Variants in SBK1 observed in about 807,000 individuals in gnomAD.
SBK1 encodes the protein serine/threonine-protein kinase SBK1.
In SBK1, 11 loss-of-function variants were observed where a neutral mutation model predicts 24.4. The ratio of observed to expected loss-of-function variants is 0.45; its 90% confidence interval spans 0.28 to 0.75. The LOEUF (loss-of-function observed/expected upper bound fraction) is 0.75. SBK1 is among the 30% of genes least tolerant of loss of function. The pLI, the probability that SBK1 is intolerant of heterozygous loss-of-function variation, is 0.12. For missense variants in SBK1, 467 were observed against 620.5 expected (o/e 0.75, Z 2.63); for synonymous variants, 308 against 284.4 (o/e 1.08, Z -0.83).
chr16:28,315,233 G>C (rs537421362), intron 1 of SBK1, among the ~76,000 whole-genome samples: 1 of 152,000 alleles, frequency 6.6e-6, no homozygotes, highest in South Asian at 2.1e-4. Flanking sequence ...ACCGGGGTTG[G>C]GGGGATGGGG....
Position 28,319,450 on chromosome 16 carries a change from G to A in SBK1, c.429+253G>A, listed in dbSNP as rs1342298130. On this transcript the variant is annotated intron_variant, in intron 3 of 3. Coordinates refer to ENST00000341901, the MANE Select transcript of SBK1 (RefSeq NM_001024401.3). The surrounding 1 kb of genome is among the most constrained non-coding windows in gnomAD (Gnocchi z 4.0). ...CCTAAAAGGAGACAGTGAGAATGATGGGATGAAGTCACTGGGCCCTCCCCT... is the reference window on the plus strand; with the variant it reads ...CCTAAAAGGAGACAGTGAGAATGATAGGATGAAGTCACTGGGCCCTCCCCT... Among the ~76,000 whole-genome samples the A allele has an allele frequency of 1.3e-5, 2 of 152,122 alleles. No individual in the cohort carries two copies. The highest frequency in any genetic ancestry group is 4.8e-5 in the African/African-American group (2 of 41,420).
intron 1 of SBK1, among the ~76,000 whole-genome samples, chr16:28,306,848 A>G (rs2044719783): frequency 6.6e-6 from 1 of 152,230 alleles, no homozygotes; most frequent in East Asian, 1.9e-4. Flanking sequence ...GCTTTCCTGA[A>G]TGTGACCCTG....
rs188167496 is a variant in SBK1 at position 28,295,022 on chromosome 16, T to G, written c.-8+1722T>G. 1.7e-4 allele frequency among the ~76,000 whole-genome samples: 26 copies of G among 152,234 alleles called. No individual in the cohort carries two copies. In the East Asian group the frequency reaches 4.8e-3, roughly 28 times the overall value. On this transcript the variant is annotated intron_variant, in intron 1 of 3. Transcript: ENST00000341901. The stretch of plus-strand genomic sequence containing the variant: ...AAATTGGGCAGGACAAGCATCCAGG[T>G]TTGCTCTACCCATTGCTGAAGGAGT...
Position 28,317,648 on chromosome 16 carries a change from G to T in SBK1, c.226+31G>T. ...CAAGTGCAGGGTGGCAGGGCTGAGA[G>T]GTTGGGGTGGGGCAGGGCTGGGAGG... is the stretch of plus-strand genomic sequence containing the variant. On this transcript the variant is annotated intron_variant, in intron 2 of 3. Coordinates refer to ENST00000341901, the MANE Select transcript of SBK1 (RefSeq NM_001024401.3). The surrounding 1 kb of genome is among the most constrained non-coding windows in gnomAD (Gnocchi z 4.2). 1 of 1,484,238 alleles carries T rather than the reference G, an allele frequency of 6.7e-7. No homozygotes were observed. The allele number at this position is 1,484,238 out of a possible 1,614,324, so 91.9% of individuals were successfully genotyped here. A position where few individuals can be genotyped will look rare whatever the true frequency, so the allele number is the denominator to read the frequency against.
At chr16:28,269,923 A>C (rs2044454026) in intron 1 of SBK1, among the ~76,000 whole-genome samples, 1 of 152,118 alleles carries the variant, frequency 6.6e-6, no homozygotes, top group Non-Finnish European at 1.5e-5. Flanking sequence ...ACTCATGCCA[A>C]AGCCAATCGC....
chr16:28,284,251 C>G (rs1300372878), intron 1 of SBK1, among the ~76,000 whole-genome samples: 1 of 152,226 alleles, frequency 6.6e-6, no homozygotes, highest in African/African-American at 2.4e-5. Context: ...TTAAAGCCAG[C>G]CCCCTAGGGA....
intron 1 of SBK1, among the ~76,000 whole-genome samples, chr16:28,272,120 G>A (rs911332924): frequency 6.6e-6 from 1 of 152,076 alleles, no homozygotes; most frequent in African/African-American, 2.4e-5. Context: ...CTCTGTTACT[G>A]AGGCTGGAGT....
Position 28,319,053 on chromosome 16 carries a change from A to G in SBK1, c.285A>G (p.Leu95=). The change falls in exon 3 of 4, where the codon CTA becomes CTG. Residue 95 remains leucine (L), a synonymous_variant. Coordinates refer to ENST00000341901, the MANE Select transcript of SBK1 (RefSeq NM_001024401.3). The surrounding 1 kb of genome is among the most constrained non-coding windows in gnomAD (Gnocchi z 4.0). The part of the protein sequence containing the change: ...NKSKTKLKNF[L]REVSITNSLS... ...GCAAAACCAAGCTGAAGAACTTCCT[A>G]CGGGAGGTGAGCATCACCAACAGCC... The G allele has an allele frequency of 3.7e-6, 6 of 1,614,158 alleles. No individual in the cohort carries two copies. The highest frequency in any genetic ancestry group is 5.1e-6 in the Non-Finnish European group (6 of 1,180,002).
At chr16:28,316,510 A>G (rs1733642300) in intron 1 of SBK1, among the ~76,000 whole-genome samples, 1 of 151,982 alleles carries the variant, frequency 6.6e-6, no homozygotes, top group African/African-American at 2.4e-5. Flanking sequence ...CATGCTGGTA[A>G]TCCTAGTGCT....
rs1181840421 is a variant in SBK1, at chr16:28,320,414, G to A, written c.768G>A (p.Ala256=). 6.3e-7 allele frequency: 1 copy of A among 1,589,600 alleles called. No individual in the cohort carries two copies. The highest frequency in any genetic ancestry group is 8.5e-7 in the Non-Finnish European group (1 of 1,174,500). Residue 256 remains alanine, a synonymous_variant, in exon 4 of 4, where the codon GCG becomes GCA. Coordinates refer to ENST00000341901, the MANE Select transcript of SBK1 (RefSeq NM_001024401.3). The surrounding 1 kb of genome is among the most constrained non-coding windows in gnomAD (Gnocchi z 8.5). ...CCGGCAACTTCCCGTGGGAGGCGGC[G>A]TCGGGCGCCGACGCCTTCTTCGAGG... ...VLTGNFPWEA[A]SGADAFFEEF...
chr16:28,320,060 C>T lies in SBK1; in HGVS notation c.430-16C>T, dbSNP rs1278395314. 23 of 1,469,786 alleles carry T rather than the reference C, an allele frequency of 1.6e-5. No homozygotes were observed. In the East Asian group the frequency reaches 5.7e-4, roughly 36 times the overall value. 91.0% of individuals were successfully genotyped at this position (1,469,786 alleles called of 1,614,324 possible). On this transcript the variant is annotated splice_polypyrimidine_tract_variant and intron_variant, in intron 3 of 3. Coordinates refer to ENST00000341901, the MANE Select transcript of SBK1 (RefSeq NM_001024401.3). This position sits in a 1 kb window ranked among gnomAD's most constrained non-coding sequence, Gnocchi z 8.5. ...GGAGAGCTGGAAACAGCGCGGCTTCCCCCGGCCGCCCGCAGGTGGGGCTCC... is the reference window on the plus strand; with the variant it reads ...GGAGAGCTGGAAACAGCGCGGCTTCTCCCGGCCGCCCGCAGGTGGGGCTCC...
intron 2 of SBK1, 100 bp from the exon 3 acceptor site, chr16:28,318,895 G>A: frequency 1.2e-6 from 1 of 846,832 alleles, no homozygotes; most frequent in East Asian, 2.4e-5. Context: ...ATGCCTGCTG[G>A]GGACCCTGTT....
upstream of SBK1, among the ~76,000 whole-genome samples, chr16:28,289,445 G>A (rs1434864072): frequency 3.3e-5 from 5 of 152,168 alleles, no homozygotes; most frequent in East Asian, 1.9e-4. Flanking sequence ...AGAGGAAACC[G>A]AGTAGACAAA....
intron 1 of SBK1, among the ~76,000 whole-genome samples, chr16:28,314,257 AG>A (rs1288311438): frequency 1.3e-5 from 2 of 151,394 alleles, no homozygotes; most frequent in African/African-American, 4.9e-5. Context: ...CCTGGGTTCA[AG>A]CGATCCTTCT....
rs2044643713 is a variant in SBK1 at position 28,296,752 on chromosome 16, A to C, written c.-8+3452A>C. Among the ~76,000 whole-genome samples, 3 of 152,142 alleles carry C rather than the reference A, an allele frequency of 2.0e-5. No individual in the cohort carries two copies. The South Asian group carries it at 6.2e-4, about 32-fold the overall frequency. ...TACCCCTGAACTAGTGACATCCAGC[A>C]ACCAAAAACCTGTTTTCTCTGTCCC... On this transcript the variant is annotated intron_variant, in intron 1 of 3. Transcript: ENST00000341901.
At chr16:28,283,734 A>T (rs2044547500) in intron 1 of SBK1, among the ~76,000 whole-genome samples, 1 of 152,168 alleles carries the variant, frequency 6.6e-6, no homozygotes, top group Non-Finnish European at 1.5e-5. Flanking sequence ...CAGGTAGAGG[A>T]CAGAGGCTGT....
At position 28,320,842 on chromosome 16, in the gene SBK1, C is replaced by A; in HGVS notation, c.1196C>A (p.Pro399His). ...VPEPGLAPQG[P>H]PGRTDGRADK... The stretch of plus-strand genomic sequence containing the variant: ...GAGCCCGGCCTAGCTCCCCAGGGGC[C>A]CCCCGGCCGGACCGACGGCCGCGCG... Residue 399 changes from proline to histidine, a missense_variant, in exon 4 of 4, where the codon CCC becomes CAC. Around this residue, in one of 4 missense-constraint regions of SBK1, gnomAD observed 166 missense variants for 146.8 expected, o/e 1.13. Coordinates refer to ENST00000341901, the MANE Select transcript of SBK1 (RefSeq NM_001024401.3). This position sits in a 1 kb window ranked among gnomAD's most constrained non-coding sequence, Gnocchi z 8.5. The A allele has an allele frequency of 6.8e-7, 1 of 1,470,510 alleles. No individual in the cohort carries two copies. Among genetic ancestry groups the A allele is most frequent in the Non-Finnish European group, 9.0e-7 (1 of 1,112,010 alleles). The allele number at this position is 1,470,510 out of a possible 1,614,324, so 91.1% of individuals were successfully genotyped here. A position where few individuals can be genotyped will look rare whatever the true frequency, so the allele number is the denominator to read the frequency against.
intron 1 of SBK1, among the ~76,000 whole-genome samples, chr16:28,302,027 G>C (rs1315268760): frequency 1.3e-5 from 2 of 152,250 alleles, no homozygotes; most frequent in Non-Finnish European, 2.9e-5. Context: ...AGGGGAGGGA[G>C]AGGCCTTATC....
In SBK1 at chr16:28,318,981, G is replaced by T; in HGVS notation, c.227-14G>T. On this transcript the variant is annotated splice_polypyrimidine_tract_variant and intron_variant, in intron 2 of 3. Transcript: ENST00000341901. ...GAGAGGGGGCTTCAACCCTGTTGCT[G>T]TTGCTCCCATCAGGCACAAAAATGG... is the stretch of plus-strand genomic sequence containing the variant. 6.2e-7 allele frequency: 1 copy of T among 1,610,912 alleles called. No individual in the cohort carries two copies. The highest frequency in any genetic ancestry group is 1.7e-4 in the Middle Eastern group (1 of 6,056).
Sources: allele counts gnomAD v4.1 joint callset (sites outside exome capture counted in the v4.1 genomes callset), GRCh38; gene constraint gnomAD v4.1.1; regional missense constraint gnomAD v4.1.1; non-coding constraint Gnocchi (gnomAD v3.1); transcripts MANE v1.5; gene names NCBI Gene and HGNC (gene_info 2026-07-23, HGNC 2026-07-21).